ARHGEF9: variants seen among roughly 807,000 people sequenced by gnomAD.
ARHGEF9 encodes rho guanine nucleotide exchange factor 9.
In ARHGEF9, 2 loss-of-function variants were observed where a neutral mutation model predicts 41.3. That is an observed-to-expected ratio of 0.05 (90% CI 0.02 to 0.15). The LOEUF (loss-of-function observed/expected upper bound fraction) is 0.15. Among genes scored for constraint, ARHGEF9 ranks in the 10% least tolerant of loss-of-function variants. The pLI is 1.00. For missense variants in ARHGEF9, 225 were observed against 424.7 expected (o/e 0.53, Z 4.13); for synonymous variants, 160 against 154.4 (o/e 1.04, Z -0.27).
rs2047349402 is a variant in ARHGEF9, at chrX:63,637,171, G to A, written c.*857C>T. 1 of 297,669 alleles carries A rather than the reference G, an allele frequency of 3.4e-6. No individual in the cohort carries two copies. Among genetic ancestry groups the A allele is most frequent in the Non-Finnish European group, 5.9e-6 (1 of 170,385 alleles). The allele number at this position is 297,669 out of a possible 1,213,427, so 24.5% of individuals were successfully genotyped here. On this transcript the variant is annotated 3_prime_UTR_variant, in exon 10 of 10. Transcript: ENST00000671741. Reference sequence around the variant, plus strand: ...GATGCAAAATTGCAACGACCCAGAAGTGCTGCAACATGGGAAACCCCAGTG... The same window carrying A: ...GATGCAAAATTGCAACGACCCAGAAATGCTGCAACATGGGAAACCCCAGTG...
At chrX:63,711,316 G>T (rs1234766418) in intron 2 of ARHGEF9, among the ~76,000 whole-genome samples, 2 of 111,457 alleles carry the variant, frequency 1.8e-5, no homozygotes, top group Non-Finnish European at 3.8e-5. Context: ...ACTAAAACTC[G>T]TATGGAATTT....
chrX:63,672,877 A>G (rs1331044946), intron 6 of ARHGEF9, among the ~76,000 whole-genome samples: 3 of 112,173 alleles, frequency 2.7e-5, no homozygotes, highest in Admixed American at 9.5e-5. Context: ...CAACACAAGG[A>G]AAAAAGGACC....
chrX:63,687,890 G>C (rs1556377371), intron 4 of ARHGEF9, among the ~76,000 whole-genome samples: 1 of 110,023 alleles, frequency 9.1e-6, no homozygotes, highest in African/African-American at 3.3e-5. Context: ...CAAGTCAAAG[G>C]GTCATTGGCT....
chrX:63,655,385 G>A, intron 8 of ARHGEF9, 109 bp downstream of exon 8: 2 of 1,118,601 alleles, frequency 1.8e-6, no homozygotes, highest in Non-Finnish European at 2.4e-6. Context: ...AGTAGCTTAA[G>A]TCAGTTTGCA....
chrX:63,735,436 G>T (rs1427682279), intron 1 of ARHGEF9, among the ~76,000 whole-genome samples: 1 of 111,530 alleles, frequency 9.0e-6, no homozygotes, highest in East Asian at 2.8e-4. Context: ...AACACCACAG[G>T]CAGAGGGTGG....
intron 1 of ARHGEF9, among the ~76,000 whole-genome samples, chrX:63,743,612 T>C (rs1456084387): frequency 8.9e-6 from 1 of 112,451 alleles, no homozygotes; most frequent in Non-Finnish European, 1.9e-5. Flanking sequence ...GGCAAGAACC[T>C]GCAATTTCTA....
chrX:63,781,021 A>C (rs1307093373), intron 1 of ARHGEF9, among the ~76,000 whole-genome samples: 2 of 112,133 alleles, frequency 1.8e-5, no homozygotes, highest in Non-Finnish European at 3.8e-5. Flanking sequence ...ATTCTGTGTG[A>C]CCAATTGTAG....
At position 63,706,590 on chromosome X, in the gene ARHGEF9, C is replaced by G. The variant is rs2052562205; in HGVS notation, c.211-141G>C. The G allele has an allele frequency of 1.1e-5, 8 of 725,975 alleles. No homozygotes were observed. In the South Asian group the frequency reaches 2.2e-4, roughly 20 times the overall value. The allele number at this position is 725,975 out of a possible 1,213,427, so 59.8% of individuals were successfully genotyped here. A position where few individuals can be genotyped will look rare whatever the true frequency, so the allele number is the denominator to read the frequency against. On this transcript the variant is annotated intron_variant, in intron 2 of 9. Coordinates refer to ENST00000671741, the MANE Select transcript of ARHGEF9 (RefSeq NM_001353921.2). ...AGACCTGTGCAAGTAGAATTCGAAA[C>G]CTGGCTCTAGGGTGACTTTTTGCCC...
At chrX:63,774,856 C>T (rs1556457141) in intron 1 of ARHGEF9, among the ~76,000 whole-genome samples, 2 of 111,721 alleles carry the variant, frequency 1.8e-5, no homozygotes, top group African/African-American at 6.5e-5. Context: ...TTCTGCACAG[C>T]AAAAGAAACA....
chrX:63,707,745 C>T (rs2052650423), intron 2 of ARHGEF9, among the ~76,000 whole-genome samples: 2 of 111,633 alleles, frequency 1.8e-5, no homozygotes, highest in East Asian at 5.7e-4. Flanking sequence ...TGGGTAATCA[C>T]TCGGGGGGAA....
intron 7 of ARHGEF9, among the ~76,000 whole-genome samples, 153 bp downstream of exon 7, chrX:63,665,733 A>G (rs1311683336): frequency 8.9e-6 from 1 of 111,849 alleles, no homozygotes; most frequent in Non-Finnish European, 1.9e-5. Context: ...ATGCCACATT[A>G]GTGTTCCTGA....
chrX:63,718,823 C>T (rs1350379258), intron 2 of ARHGEF9, among the ~76,000 whole-genome samples: 2 of 111,459 alleles, frequency 1.8e-5, no homozygotes, highest in Non-Finnish European at 3.8e-5. Context: ...TCTGGTCCTG[C>T]CTGGAGGCTG....
intron 3 of ARHGEF9, among the ~76,000 whole-genome samples, chrX:63,700,502 T>C (rs782319027): frequency 9.0e-6 from 1 of 111,643 alleles, no homozygotes; most frequent in Non-Finnish European, 1.9e-5. Flanking sequence ...CAGTGAAATG[T>C]GATTGTCAAA....
chrX:63,669,128 G>A (rs142877913), intron 6 of ARHGEF9, among the ~76,000 whole-genome samples: 2,870 of 112,065 alleles, frequency 0.026, 97 homozygotes, highest in African/African-American at 0.086. Context: ...GTTTGAGAGC[G>A]TCAAATGAGT....
At position 63,720,820 on chromosome X, in the gene ARHGEF9, T is replaced by C. The variant is rs1235005202; in HGVS notation, c.210+3712A>G. ...CTCTCACTGTGCTTCTTTAAAAATA[T>C]GAATTCCTCATTAACATTTTTTTAA... On this transcript the variant is annotated intron_variant, in intron 2 of 9. Transcript: ENST00000671741. Among the ~76,000 whole-genome samples, 7 of 112,633 alleles carry C rather than the reference T, an allele frequency of 6.2e-5. No individual in the cohort carries two copies. The Admixed American group carries it at 6.6e-4, about 11-fold the overall frequency.
intron 1 of ARHGEF9, among the ~76,000 whole-genome samples, chrX:63,730,461 G>A (rs782638661): frequency 8.9e-5 from 10 of 111,890 alleles, no homozygotes; most frequent in Non-Finnish European, 1.3e-4. Flanking sequence ...ATGGCAGGGA[G>A]GGGGACCAGC....
intron 3 of ARHGEF9, among the ~76,000 whole-genome samples, chrX:63,705,719 A>G (rs1292028315): frequency 9.0e-6 from 1 of 111,607 alleles, no homozygotes; most frequent in Non-Finnish European, 1.9e-5. Context: ...GAGTAGGACC[A>G]GCAGCATCAG....
At chrX:63,692,532 T>C (rs2051422186) in intron 4 of ARHGEF9, among the ~76,000 whole-genome samples, 1 of 112,236 alleles carries the variant, frequency 8.9e-6, no homozygotes, top group Non-Finnish European at 1.9e-5. Flanking sequence ...GCAGTTAGAA[T>C]GGTTATTATC....
intron 4 of ARHGEF9, among the ~76,000 whole-genome samples, chrX:63,682,942 C>A (rs1556371202): frequency 9.0e-6 from 1 of 111,018 alleles, no homozygotes; most frequent in Non-Finnish European, 1.9e-5. Context: ...AGGATGCCCA[C>A]CCTTGCCAAT....
Sources: gnomAD v4.1 joint callset for allele counts (sites outside exome capture counted in the v4.1 genomes callset) on GRCh38, gnomAD v4.1.1 for gene constraint, MANE v1.5 for transcripts, NCBI Gene and HGNC (gene_info 2026-07-23, HGNC 2026-07-21) for gene names.